SRGAP1: variants seen among roughly 807,000 people sequenced by gnomAD.
The protein encoded by SRGAP1 is SLIT-ROBO Rho GTPase-activating protein 1.
In SRGAP1, 43 loss-of-function variants were observed where a neutral mutation model predicts 121.9. That is an observed-to-expected ratio of 0.35 (90% confidence interval 0.28 to 0.46). SRGAP1 has a LOEUF of 0.46. Ranked by LOEUF, SRGAP1 falls within the 20% of genes least tolerant of loss-of-function variation. SRGAP1 has a pLI of 1.00. For missense variants in SRGAP1, 1,102 were observed against 1,350.9 expected, an observed-to-expected ratio of 0.82 and a Z score of 2.89; for synonymous variants, 447 against 485.4, an observed-to-expected ratio of 0.92 and a Z score of 1.04.
At chr12:63,997,397 C>A (rs2033743672) in intron 3 of SRGAP1, among the ~76,000 whole-genome samples, 1 of 151,916 alleles carries the variant, frequency 6.6e-6, no homozygotes, top group Non-Finnish European at 1.5e-5. Context: ...ATGATGCATT[C>A]CTTAGAATAT....
At chr12:63,911,433 G>A (rs2030496086) in intron 1 of SRGAP1, among the ~76,000 whole-genome samples, 1 of 151,992 alleles carries the variant, frequency 6.6e-6, no homozygotes, top group Non-Finnish European at 1.5e-5. Flanking sequence ...AGTCAACCTT[G>A]CATCTATCTC....
At position 63,951,619 on chromosome 12, in the gene SRGAP1, T is replaced by C. The variant is rs138826965; in HGVS notation, c.68-32328T>C. Among the ~76,000 whole-genome samples, 461 of 152,340 alleles carry C rather than the reference T, an allele frequency of 3.0e-3. 1 individual carries two copies. Among genetic ancestry groups the C allele is most frequent in the African/African-American group, 0.011 (440 of 41,586 alleles). Reference sequence around the variant, plus strand: ...TTCTGGCAGATATTTTTAAGTGTTGTAGAGCTTGCTTACAAGAAACAGATT... The same window carrying C: ...TTCTGGCAGATATTTTTAAGTGTTGCAGAGCTTGCTTACAAGAAACAGATT... On this transcript the variant is annotated intron_variant, in intron 1 of 21. Coordinates refer to ENST00000355086, the MANE Select transcript of SRGAP1 (RefSeq NM_020762.4).
intron 3 of SRGAP1, among the ~76,000 whole-genome samples, chr12:64,012,725 A>T (rs200252164): frequency 6.7e-6 from 1 of 150,090 alleles, no homozygotes; most frequent in East Asian, 2.0e-4. Context: ...TAATTTTTGT[A>T]TTTTTTCTAG....
intron 4 of SRGAP1, among the ~76,000 whole-genome samples, chr12:64,023,847 G>A (rs1044633415): frequency 2.6e-5 from 4 of 152,160 alleles, no homozygotes; most frequent in South Asian, 4.1e-4. Flanking sequence ...CTTACATGTG[G>A]GAACTGGGGC....
intron 1 of SRGAP1, among the ~76,000 whole-genome samples, chr12:63,886,629 G>A (rs758480490): frequency 1.0e-4 from 15 of 150,684 alleles, no homozygotes; most frequent in African/African-American, 2.0e-4. Flanking sequence ...ACAGGTGTGC[G>A]CCCAGCTAAT....
chr12:63,911,160 G>A (rs138128412), intron 1 of SRGAP1, among the ~76,000 whole-genome samples: 2,875 of 151,942 alleles, frequency 0.019, 99 homozygotes, highest in African/African-American at 0.064. Context: ...TTAGCCAGGC[G>A]TGGTGGCAGG....
intron 1 of SRGAP1, among the ~76,000 whole-genome samples, chr12:63,897,490 A>G (rs929799870): frequency 5.3e-5 from 8 of 152,214 alleles, no homozygotes; most frequent in Non-Finnish European, 1.0e-4. Flanking sequence ...ATGTTCATCA[A>G]TGAAATTTGT....
chr12:63,924,698 G>A (rs926314425), intron 1 of SRGAP1, among the ~76,000 whole-genome samples: 2 of 152,122 alleles, frequency 1.3e-5, no homozygotes, highest in African/African-American at 2.4e-5. Flanking sequence ...GAGGATTGAA[G>A]GAGGGAGCAG....
rs141260085 is a variant in SRGAP1, at chr12:64,073,251, C to T, written c.1126-5668C>T. Reference sequence around the variant, plus strand: ...CTGATACTTCCAAATTTAACCATGACACCATTGCTTCTGAGAAGGAATTTG... The same window carrying T: ...CTGATACTTCCAAATTTAACCATGATACCATTGCTTCTGAGAAGGAATTTG... On this transcript the variant is annotated intron_variant, in intron 8 of 21. Transcript: ENST00000355086. Among the ~76,000 whole-genome samples, 964 of 152,210 alleles carry T rather than the reference C, an allele frequency of 6.3e-3. 18 individuals are homozygous for T. Among genetic ancestry groups the T allele is most frequent in the African/African-American group, 0.022 (909 of 41,496 alleles).
At chr12:64,012,431 C>T (rs1458048622) in intron 3 of SRGAP1, among the ~76,000 whole-genome samples, 4 of 151,894 alleles carry the variant, frequency 2.6e-5, no homozygotes, top group Non-Finnish European at 5.9e-5. Flanking sequence ...AATTTCTTCC[C>T]TAACACAGAA....
intron 21 of SRGAP1, among the ~76,000 whole-genome samples, chr12:64,141,136 A>C (rs789739): frequency 2.1e-5 from 3 of 140,160 alleles, no homozygotes; most frequent in African/African-American, 5.6e-5. Context: ...GTGGGTGGAG[A>C]GGGGAGGGAT....
At chr12:64,081,181 A>T (rs556447865) in intron 10 of SRGAP1, 1 of 152,194 alleles carries the variant, frequency 6.6e-6, no homozygotes, top group Non-Finnish European at 1.5e-5. Flanking sequence ...TTCACACTAG[A>T]CCCTGCCAGA....
At chr12:64,123,981 C>G (rs1282778940) in intron 18 of SRGAP1, among the ~76,000 whole-genome samples, 3 of 151,996 alleles carry the variant, frequency 2.0e-5, no homozygotes, top group African/African-American at 7.2e-5. Context: ...GAGGCCATGG[C>G]TGGAGGATTG....
rs1393855214 is a variant in SRGAP1 at position 64,148,408 on chromosome 12, A to G, written c.*5736A>G. The G allele has an allele frequency of 6.6e-6, 1 of 151,238 alleles. No individual in the cohort carries two copies. The highest frequency in any genetic ancestry group is 3.2e-3 in the Middle Eastern group (1 of 312). The allele number at this position is 151,238 out of a possible 1,614,324, so 9.4% of individuals were successfully genotyped here. A position where few individuals can be genotyped will look rare whatever the true frequency, so the allele number is the denominator to read the frequency against. ...GCGATTCTCCTGCCTCAGCCTCCTA[A>G]GTAGCTGTAATTACAGGCACCCGCC... On this transcript the variant is annotated 3_prime_UTR_variant, in exon 22 of 22. Coordinates refer to ENST00000355086, the MANE Select transcript of SRGAP1 (RefSeq NM_020762.4).
chr12:63,989,641 C>T (rs2033502730), intron 2 of SRGAP1, among the ~76,000 whole-genome samples: 1 of 152,196 alleles, frequency 6.6e-6, no homozygotes, highest in South Asian at 2.1e-4. Context: ...TATTAGGGTC[C>T]CATGGTCCTT....
chr12:63,984,350 C>T (rs1467306676), intron 2 of SRGAP1, among the ~76,000 whole-genome samples: 1 of 152,086 alleles, frequency 6.6e-6, no homozygotes, highest in East Asian at 1.9e-4. Flanking sequence ...TTTGTCTTTC[C>T]AATACATATA....
At chr12:64,117,059 C>G (rs2036534642) in intron 18 of SRGAP1, among the ~76,000 whole-genome samples, 1 of 152,128 alleles carries the variant, frequency 6.6e-6, no homozygotes, top group African/African-American at 2.4e-5. Context: ...GAGAATAGGG[C>G]AGCAGTGGCC....
intron 1 of SRGAP1, among the ~76,000 whole-genome samples, chr12:63,913,340 G>A (rs2030610288): frequency 7.0e-6 from 1 of 143,762 alleles, no homozygotes; most frequent in Admixed American, 7.2e-5. Context: ...TGTATTTTTT[G>A]TAGAAACAGG....
chr12:63,862,443 C>T (rs1021071129), intron 1 of SRGAP1, among the ~76,000 whole-genome samples: 1 of 152,146 alleles, frequency 6.6e-6, no homozygotes, highest in Non-Finnish European at 1.5e-5. Flanking sequence ...TTCTGACTCC[C>T]TTCTCAGTTG....
Sources: gnomAD v4.1 joint callset for allele counts (sites outside exome capture counted in the v4.1 genomes callset) on GRCh38, gnomAD v4.1.1 for gene constraint, MANE v1.5 for transcripts, NCBI Gene and HGNC (gene_info 2026-07-23, HGNC 2026-07-21) for gene names.